Variants in RDH12 observed in about 807,000 individuals in gnomAD.
RDH12 encodes the protein all-trans and 9-cis retinol dehydrogenase.
In RDH12, 21 loss-of-function variants were observed where a neutral mutation model predicts 34.0. That is an observed-to-expected ratio of 0.62 (90% CI 0.44 to 0.89). The LOEUF (loss-of-function observed/expected upper bound fraction) is 0.89, where lower values mean the gene tolerates loss of function less well. Ranked by LOEUF, RDH12 falls within the 40% of genes least tolerant of loss-of-function variation. RDH12 has a pLI of 0.00. For synonymous variants in RDH12, 198 were observed against 169.9 expected, an observed-to-expected ratio of 1.17 and a Z score of -1.29; for missense variants, 394 against 398.6, an observed-to-expected ratio of 0.99 and a Z score of 0.10.
At chr14:67,715,918 G>A (rs1041124903) in intron 1 of RDH12, among the ~76,000 whole-genome samples, 1 of 152,134 alleles carries the variant, frequency 6.6e-6, no homozygotes, top group Non-Finnish European at 1.5e-5. Flanking sequence ...CCTAGAGGCC[G>A]GGGGCAGTGG....
At chr14:67,729,935 CA>C in intron 8 of RDH12, 1 of 409,650 alleles carries the variant, frequency 2.4e-6, no homozygotes, top group Middle Eastern at 4.4e-4. Flanking sequence ...CATTCCATGA[CA>C]GAATCCAGCC....
intron 1 of RDH12, among the ~76,000 whole-genome samples, chr14:67,719,175 G>A (rs1010137128): frequency 6.6e-6 from 1 of 152,194 alleles, no homozygotes; most frequent in Non-Finnish European, 1.5e-5. Flanking sequence ...GGATGACAGC[G>A]TACAGGCTAA....
Position 67,729,387 on chromosome 14 carries a change from G to A in RDH12, c.848+7G>A. On this transcript the variant is annotated splice_region_variant and intron_variant, in intron 8 of 8. Transcript: ENST00000551171. ...TGAGTGGCAAGTACTTCAGGTGTGT[G>A]AAGGCAATGCGGTTCTCTCCACCAC... The A allele has an allele frequency of 6.3e-7, 1 of 1,597,148 alleles. No homozygotes were observed. Among genetic ancestry groups the A allele is most frequent in the Non-Finnish European group, 8.5e-7 (1 of 1,179,650 alleles).
intron 3 of RDH12, among the ~76,000 whole-genome samples, chr14:67,723,408 A>AT (rs2038147956): frequency 1.3e-5 from 2 of 152,048 alleles, no homozygotes; most frequent in South Asian, 2.1e-4. Flanking sequence ...TACTTTTTAA[A>AT]TTTTTTGTGG....
At chr14:67,709,264 C>CA (rs2037984349) in intron 1 of RDH12, among the ~76,000 whole-genome samples, 1 of 152,102 alleles carries the variant, frequency 6.6e-6, no homozygotes, top group African/African-American at 2.4e-5. Context: ...AGGATTTCCC[C>CA]AAAAAAGGTG....
intron 1 of RDH12, among the ~76,000 whole-genome samples, chr14:67,706,718 G>A (rs6573795): frequency 0.13 from 20,385 of 152,092 alleles, 1,403 homozygotes; most frequent in East Asian, 0.21. Context: ...TTTTCCCTTT[G>A]GCTTTGTGAT....
chr14:67,708,545 T>G (rs952472312), intron 1 of RDH12, among the ~76,000 whole-genome samples: 2 of 152,174 alleles, frequency 1.3e-5, no homozygotes, highest in African/African-American at 2.4e-5. Flanking sequence ...ACAAGGAAAT[T>G]TGTTATCTCT....
chr14:67,727,303 G>A, intron 7 of RDH12, 113 bp downstream of exon 7: 1 of 799,368 alleles, frequency 1.3e-6, no homozygotes, highest in Non-Finnish European at 2.1e-6. Context: ...TATCTCTGTG[G>A]ACTAAGGAGA....
Position 67,729,335 on chromosome 14 carries a change from G to A in RDH12, c.803G>A (p.Cys268Tyr). 1 of 1,599,200 alleles carries A rather than the reference G, an allele frequency of 6.3e-7. No homozygotes were observed. Among genetic ancestry groups the A allele is most frequent in the South Asian group, 1.1e-5 (1 of 90,992 alleles). The change falls in exon 8 of 9, where the codon TGC becomes TAC. Residue 268 changes from cysteine (C) to tyrosine (Y), a missense_variant. Transcript: ENST00000551171. ...AREGAQTSLHCALAEGLEPLS... is the reference protein window; with the variant it reads ...AREGAQTSLHYALAEGLEPLS... ...GAGGGGGCGCAGACCAGCCTGCACT[G>A]CGCCCTGGCTGAGGGCCTGGAGCCC... is the stretch of plus-strand genomic sequence containing the variant.
chr14:67,717,602 G>C (rs1022484368), intron 1 of RDH12, among the ~76,000 whole-genome samples: 1 of 152,202 alleles, frequency 6.6e-6, no homozygotes, highest in Non-Finnish European at 1.5e-5. Context: ...GTTCCCAAAC[G>C]GGGGTGATTT....
At chr14:67,731,730 A>G (rs980286420) in intron 8 of RDH12, among the ~76,000 whole-genome samples, 4 of 152,190 alleles carry the variant, frequency 2.6e-5, no homozygotes, top group African/African-American at 9.6e-5. Flanking sequence ...TGGAGGGATA[A>G]CCAGCCACTG....
intron 1 of RDH12, among the ~76,000 whole-genome samples, chr14:67,720,305 T>C (rs1045939351): frequency 6.6e-6 from 1 of 152,236 alleles, no homozygotes; most frequent in Non-Finnish European, 1.5e-5. Flanking sequence ...CTTCAAAGCC[T>C]GTTATGAATA....
At chr14:67,709,854 G>T (rs1392442236) in intron 1 of RDH12, among the ~76,000 whole-genome samples, 1 of 152,030 alleles carries the variant, frequency 6.6e-6, no homozygotes, top group Non-Finnish European at 1.5e-5. Context: ...GAAATATCTT[G>T]GGCCCCCAAA....
At chr14:67,728,704 G>GGT (rs1491271691) in intron 7 of RDH12, among the ~76,000 whole-genome samples, 1 of 8,362 alleles carries the variant, frequency 1.2e-4, no homozygotes, top group African/African-American at 1.9e-4. Context: ...GATATCTTGT[G>GGT]GGGGGGGGGT....
intron 8 of RDH12, 173 bp downstream of exon 8, chr14:67,729,553 T>TA: frequency 1.4e-6 from 1 of 694,146 alleles, no homozygotes; most frequent in Non-Finnish European, 2.6e-6. Context: ...AGTACAAACT[T>TA]ATGTGTTGGG....
chr14:67,723,770 T>C (rs2038152327), intron 3 of RDH12, among the ~76,000 whole-genome samples: 1 of 152,266 alleles, frequency 6.6e-6, no homozygotes. Flanking sequence ...TCAGATGATG[T>C]GCAGGAAATG....
intron 8 of RDH12, among the ~76,000 whole-genome samples, chr14:67,733,229 G>C (rs1269130137): frequency 6.6e-6 from 1 of 152,102 alleles, no homozygotes; most frequent in Non-Finnish European, 1.5e-5. Flanking sequence ...AAGCAAATCT[G>C]GAGGGCTTGG....
intron 1 of RDH12, among the ~76,000 whole-genome samples, chr14:67,712,561 G>C (rs1268649215): frequency 6.7e-6 from 1 of 148,200 alleles, no homozygotes; most frequent in African/African-American, 2.5e-5. Context: ...AAACATGAAG[G>C]CCTTTTAAAT....
At chr14:67,718,972 TAAAAGTTTATTGGAAGC>T (rs1449451950) in intron 1 of RDH12, among the ~76,000 whole-genome samples, 2 of 152,238 alleles carry the variant, frequency 1.3e-5, no homozygotes, top group East Asian at 3.8e-4. Flanking sequence ...GATAAATTGA[TAAAAGTTTATTGGAAGC>T]CAAATGTGAG....
Sources: allele counts gnomAD v4.1 joint callset (sites outside exome capture counted in the v4.1 genomes callset), GRCh38; gene constraint gnomAD v4.1.1; transcripts MANE v1.5; gene names NCBI Gene and HGNC (gene_info 2026-07-23, HGNC 2026-07-21).